The following UBASH3B variants were observed in gnomAD, a reference collection of about 807,000 sequenced individuals.
UBASH3B encodes the protein ubiquitin associated and SH3 domain containing B, also known as ubiquitin-associated and SH3 domain-containing protein B.
UBASH3B carries 37 observed loss-of-function variants against 83.4 expected under a neutral mutation model. The observed-to-expected ratio is 0.44, with a 90% CI of 0.34 to 0.58. The LOEUF is 0.58. Among genes scored for constraint, UBASH3B ranks in the 20% least tolerant of loss-of-function variants. The pLI, the probability that UBASH3B is intolerant of heterozygous loss-of-function variation, is 0.01. For missense variants in UBASH3B, 657 were observed against 827.2 expected, an observed-to-expected ratio of 0.79 and a Z score of 2.52; for synonymous variants, 304 against 318.3, an observed-to-expected ratio of 0.96 and a Z score of 0.48.
At chr11:122,683,782 A>G (rs891432132) in intron 1 of UBASH3B, among the ~76,000 whole-genome samples, 3 of 148,778 alleles carry the variant, frequency 2.0e-5, no homozygotes, top group African/African-American at 7.4e-5. Flanking sequence ...TGTGTGAGCC[A>G]GGTTTCAAAT....
chr11:122,691,141 T>G (rs942067014), intron 1 of UBASH3B, among the ~76,000 whole-genome samples: 8 of 151,938 alleles, frequency 5.3e-5, no homozygotes, highest in African/African-American at 1.9e-4. Context: ...CAAAACGGAG[T>G]TTTTCTCCTG....
chr11:122,660,266 C>T lies in UBASH3B; in HGVS notation c.161+4056C>T, dbSNP rs750196903. ...GGAGGACTGAGAAGTGGCGATTTCA[C>T]GGTGTGTGTGTGCGTGTGCGCTCGT... is the stretch of plus-strand genomic sequence containing the variant. On this transcript the variant is annotated intron_variant, in intron 1 of 13. Transcript: ENST00000284273. Among the ~76,000 whole-genome samples the T allele has an allele frequency of 6.2e-4, 94 of 152,088 alleles. 1 individual carries two copies. The highest frequency in any genetic ancestry group is 1.2e-3 in the Non-Finnish European group (80 of 68,028).
chr11:122,707,703 T>C (rs1194262518), intron 1 of UBASH3B, among the ~76,000 whole-genome samples: 2 of 152,056 alleles, frequency 1.3e-5, no homozygotes, highest in East Asian at 3.8e-4. Flanking sequence ...TATTTTTATT[T>C]ATTTATTTTT....
chr11:122,796,330 C>A (rs944969734), intron 8 of UBASH3B, 54 bp downstream of exon 8: 1 of 1,596,390 alleles, frequency 6.3e-7, no homozygotes, highest in Admixed American at 1.7e-5. Context: ...GGCCTCTAGG[C>A]GGCACAGTCA....
chr11:122,788,672 C>A (rs1860997815), intron 5 of UBASH3B, among the ~76,000 whole-genome samples: 1 of 151,844 alleles, frequency 6.6e-6, no homozygotes, highest in Non-Finnish European at 1.5e-5. Flanking sequence ...CCACCTGGCC[C>A]CTCTGTAACC....
At chr11:122,754,171 C>T (rs1052763532) in intron 1 of UBASH3B, among the ~76,000 whole-genome samples, 2 of 152,198 alleles carry the variant, frequency 1.3e-5, no homozygotes, top group Admixed American at 6.5e-5. Flanking sequence ...AAAGGTTACC[C>T]TCAATTGCTA....
At chr11:122,796,428 G>T in intron 8 of UBASH3B, 152 bp downstream of exon 8, 1 of 1,272,042 alleles carries the variant, frequency 7.9e-7, no homozygotes. Context: ...ATTGTCTTGA[G>T]CTTTAGAGAA....
intron 1 of UBASH3B, among the ~76,000 whole-genome samples, chr11:122,752,604 G>A (rs1397818955): frequency 6.6e-6 from 1 of 152,172 alleles, no homozygotes; most frequent in East Asian, 1.9e-4. Flanking sequence ...TTGATCTTAC[G>A]GGCAGTAGGG....
intron 1 of UBASH3B, among the ~76,000 whole-genome samples, chr11:122,678,054 G>A (rs575662152): frequency 6.6e-6 from 1 of 152,352 alleles, no homozygotes; most frequent in East Asian, 1.9e-4. Flanking sequence ...GCTTTCCAAT[G>A]TGCTAGGATT....
intron 1 of UBASH3B, among the ~76,000 whole-genome samples, chr11:122,712,910 T>A (rs1346299097): frequency 7.8e-6 from 1 of 127,854 alleles, no homozygotes; most frequent in African/African-American, 3.0e-5. Context: ...TTTTTTTTTT[T>A]TTTTTTTTTT....
chr11:122,665,209 ACT>A (rs1017997471), intron 1 of UBASH3B, among the ~76,000 whole-genome samples: 2 of 148,156 alleles, frequency 1.3e-5, no homozygotes, highest in Admixed American at 1.3e-4. Context: ...TGTGTGTTTC[ACT>A]CTGTCTCCCA....
At chr11:122,745,611 A>G (rs1291588605) in intron 1 of UBASH3B, among the ~76,000 whole-genome samples, 4 of 152,212 alleles carry the variant, frequency 2.6e-5, no homozygotes, top group Admixed American at 2.6e-4. Context: ...TTCTTCCTTT[A>G]CAAAGATATT....
At chr11:122,764,387 G>T (rs1439225210) in intron 1 of UBASH3B, among the ~76,000 whole-genome samples, 1 of 152,000 alleles carries the variant, frequency 6.6e-6, no homozygotes, top group East Asian at 1.9e-4. Flanking sequence ...TTCTGAAAAC[G>T]AAAAAAACGA....
chr11:122,802,948 T>A (rs1861281858), intron 11 of UBASH3B, among the ~76,000 whole-genome samples: 3 of 152,154 alleles, frequency 2.0e-5, no homozygotes, highest in Non-Finnish European at 4.4e-5. Context: ...GTATTTTATA[T>A]TTCCTCTAGA....
rs34778631 is a variant in UBASH3B at position 122,729,975 on chromosome 11, TAAAAAAAAAAAA to T, written c.162-46226_162-46215del. Among the ~76,000 whole-genome samples the T allele has an allele frequency of 5.0e-3, 141 of 27,960 alleles. 1 individual carries two copies. Among genetic ancestry groups the T allele is most frequent in the Admixed American group, 9.1e-3 (13 of 1,424 alleles). The allele number at this position is 27,960 out of a possible 152,430, so 18.3% of individuals were successfully genotyped here. A position where few individuals can be genotyped will look rare whatever the true frequency, so the allele number is the denominator to read the frequency against. ...CTGGGTGACAGAGTGAGACCCTATC[TAAAAAAAAAAAA>T]AAAAAAAAAAAAAAAAAGGCCAGGT... On this transcript the variant is annotated intron_variant, in intron 1 of 13. Transcript: ENST00000284273.
intron 1 of UBASH3B, among the ~76,000 whole-genome samples, chr11:122,693,725 T>C (rs375239156): frequency 1.3e-5 from 2 of 151,886 alleles, no homozygotes; most frequent in East Asian, 3.9e-4. Flanking sequence ...ATACAAAAAT[T>C]AGCCAGGCGT....
chr11:122,702,881 A>C (rs1434924725), intron 1 of UBASH3B, among the ~76,000 whole-genome samples: 5 of 152,120 alleles, frequency 3.3e-5, no homozygotes, highest in Admixed American at 1.3e-4. Flanking sequence ...GAATTATACT[A>C]ACATCATTAA....
intron 1 of UBASH3B, among the ~76,000 whole-genome samples, chr11:122,699,261 C>T (rs753305711): frequency 6.6e-6 from 1 of 152,224 alleles, no homozygotes; most frequent in African/African-American, 2.4e-5. Flanking sequence ...CTCATGGCAA[C>T]ACTCAGTGTC....
chr11:122,798,343 A>AAAGT (rs1281237996), intron 9 of UBASH3B, among the ~76,000 whole-genome samples: 1 of 152,144 alleles, frequency 6.6e-6, no homozygotes, highest in Admixed American at 6.5e-5. Context: ...ACTTGAAGCC[A>AAAGT]AAGTATTGTC....
Sources: gnomAD v4.1 joint callset for allele counts (sites outside exome capture counted in the v4.1 genomes callset) on GRCh38, gnomAD v4.1.1 for gene constraint, MANE v1.5 for transcripts, NCBI Gene and HGNC (gene_info 2026-07-23, HGNC 2026-07-21) for gene names.